The following DPP6 variants were observed in gnomAD, a reference collection of about 807,000 sequenced individuals.
The protein encoded by DPP6 is A-type potassium channel modulatory protein DPP6.
In DPP6, 69 loss-of-function variants were observed where a neutral mutation model predicts 122.6. The observed-to-expected ratio is 0.56, with a 90% CI of 0.46 to 0.69. DPP6 has a LOEUF of 0.69. Ranked by LOEUF, DPP6 falls within the 30% of genes least tolerant of loss-of-function variation. The probability of loss-of-function intolerance (pLI) is 0.00; values close to 1 mark genes in which losing one functional copy is unlikely to be tolerated. For missense variants in DPP6, 928 were observed against 1,116.9 expected (o/e 0.83, Z 2.41); for synonymous variants, 418 against 433.1 (o/e 0.97, Z 0.43).
In DPP6 at chr7:154,252,239, C is replaced by CGT. The variant is rs796880488; in HGVS notation, c.244-193974_244-193973insTG. 1.5e-3 allele frequency among the ~76,000 whole-genome samples: 186 copies of CGT among 121,744 alleles called. 1 individual carries two copies. Among genetic ancestry groups the CGT allele is most frequent in the African/African-American group, 6.1e-3 (174 of 28,606 alleles). 79.9% of individuals were successfully genotyped at this position (121,744 alleles called of 152,430 possible). A position where few individuals can be genotyped will look rare whatever the true frequency, so the allele number is the denominator to read the frequency against. On this transcript the variant is annotated intron_variant, in intron 1 of 25. Transcript: ENST00000377770. ...GTGTGTGTGTGTGTGTGTGTGTGCG[C>CGT]GCATGCGCACGGTGGTGGTGGTTGT...
At chr7:153,767,110 G>T in the DPP6 span, among the ~76,000 whole-genome samples, 1 of 122,350 alleles carries the variant, frequency 8.2e-6, no homozygotes, top group South Asian at 3.0e-4. Flanking sequence ...AGAAAAGAAG[G>T]AAGTCAGGGG....
At chr7:154,610,372 A>G (rs1833831820) in intron 5 of DPP6, among the ~76,000 whole-genome samples, 1 of 152,064 alleles carries the variant, frequency 6.6e-6, no homozygotes, top group Admixed American at 6.6e-5. Context: ...CAGGTGGGAG[A>G]AGGAAATGAA....
chr7:154,686,439 A>G (rs145676518), intron 7 of DPP6, among the ~76,000 whole-genome samples: 113 of 150,662 alleles, frequency 7.5e-4, no homozygotes, highest in African/African-American at 2.4e-3. Context: ...GGCAATGCAC[A>G]GAAGCTGGAT....
At chr7:154,785,084 C>G (rs1342354442) in intron 10 of DPP6, among the ~76,000 whole-genome samples, 1 of 152,214 alleles carries the variant, frequency 6.6e-6, no homozygotes, top group Non-Finnish European at 1.5e-5. Context: ...CAGCCTCATT[C>G]AGAGGCACTG....
chr7:154,658,162 C>T (rs975764025), intron 6 of DPP6, among the ~76,000 whole-genome samples: 7 of 152,140 alleles, frequency 4.6e-5, no homozygotes, highest in African/African-American at 1.7e-4. Context: ...AAGGGTGAAC[C>T]CTAATGTCAG....
intron 1 of DPP6, among the ~76,000 whole-genome samples, chr7:154,317,413 C>T (rs1460016090): frequency 6.6e-6 from 1 of 152,148 alleles, no homozygotes; most frequent in Non-Finnish European, 1.5e-5. Flanking sequence ...AATTAGTCTG[C>T]AGTTTTTGAC....
At chr7:154,743,562 C>A (rs117561216) in intron 8 of DPP6, among the ~76,000 whole-genome samples, 1 of 152,188 alleles carries the variant, frequency 6.6e-6, no homozygotes, top group African/African-American at 2.4e-5. Context: ...CCTGCTTTAA[C>A]AAAAGTCTGC....
At chr7:154,438,482 AAAAAAAAAAAAAAAAG>A (rs1819082955) in intron 1 of DPP6, among the ~76,000 whole-genome samples, 1 of 148,096 alleles carries the variant, frequency 6.8e-6, no homozygotes, top group South Asian at 2.1e-4. Flanking sequence ...AAAAAAAAAA[AAAAAAAAAAAAAAAAG>A]AAAAGAAAAA....
At position 154,889,057 on chromosome 7, in the gene DPP6, A is replaced by G. The variant is rs563357567; in HGVS notation, c.2305-215A>G. Reference sequence around the variant, plus strand: ...ACTCGTGGGAATTATGGGAGCTACAAGATGAGATTTGGGTGGGGACACAGA... The same window carrying G: ...ACTCGTGGGAATTATGGGAGCTACAGGATGAGATTTGGGTGGGGACACAGA... On this transcript the variant is annotated intron_variant, in intron 23 of 25. Coordinates refer to ENST00000377770, the MANE Select transcript of DPP6 (RefSeq NM_130797.4). Among the ~76,000 whole-genome samples, 9 of 152,352 alleles carry G rather than the reference A, an allele frequency of 5.9e-5. No individual in the cohort carries two copies. The South Asian group carries it at 1.9e-3, about 32-fold the overall frequency.
chr7:154,107,808 G>T (rs1043791245), intron 1 of DPP6, among the ~76,000 whole-genome samples: 6 of 152,158 alleles, frequency 3.9e-5, no homozygotes, highest in African/African-American at 1.4e-4. Flanking sequence ...GTGAGGGGTT[G>T]CTCCCTACTC....
At chr7:153,762,966 G>A in the DPP6 span, among the ~76,000 whole-genome samples, 1 of 152,074 alleles carries the variant, frequency 6.6e-6, no homozygotes, top group Non-Finnish European at 1.5e-5. Context: ...AAGACATAGA[G>A]ATTACAATGA....
chr7:154,465,265 T>G (rs746932269), intron 2 of DPP6, among the ~76,000 whole-genome samples: 2 of 152,222 alleles, frequency 1.3e-5, no homozygotes, highest in Non-Finnish European at 2.9e-5. Flanking sequence ...TTTTTGAAAA[T>G]ACAAATTTTA....
chr7:154,640,092 A>C (rs1430801015), intron 6 of DPP6, among the ~76,000 whole-genome samples: 1 of 152,082 alleles, frequency 6.6e-6, no homozygotes, highest in Non-Finnish European at 1.5e-5. Context: ...TCTCTACTAA[A>C]AATACAAAAA....
intron 1 of DPP6, among the ~76,000 whole-genome samples, chr7:154,206,648 G>T (rs986781806): frequency 2.7e-4 from 41 of 152,134 alleles, no homozygotes; most frequent in African/African-American, 8.9e-4. Context: ...CTTTCTCAAT[G>T]CATTCTCTTT....
At chr7:154,254,464 C>T (rs970947808) in intron 1 of DPP6, among the ~76,000 whole-genome samples, 9 of 152,148 alleles carry the variant, frequency 5.9e-5, no homozygotes, top group South Asian at 2.1e-4. Flanking sequence ...TCATGAATTT[C>T]GAATGAAAAC....
chr7:154,127,597 T>TCACACA (rs71182879), intron 1 of DPP6, among the ~76,000 whole-genome samples: 2,076 of 136,600 alleles, frequency 0.015, 46 homozygotes, highest in African/African-American at 0.059. Context: ...GAGCAGCATC[T>TCACACA]CACACACACA....
intron 7 of DPP6, among the ~76,000 whole-genome samples, chr7:154,697,314 G>A (rs1026582065): frequency 2.6e-5 from 4 of 152,180 alleles, no homozygotes; most frequent in Non-Finnish European, 4.4e-5. Context: ...CCCAGAACCT[G>A]CCCACGAGAA....
At position 154,587,612 on chromosome 7, in the gene DPP6, G is replaced by C. The variant is rs1832540929; in HGVS notation, c.627+20696G>C. The C allele has an allele frequency of 2.6e-6, 4 of 1,518,268 alleles. No individual in the cohort carries two copies. In the East Asian group the frequency reaches 9.9e-5, roughly 37 times the overall value. 94.0% of individuals were successfully genotyped at this position (1,518,268 alleles called of 1,614,324 possible). A position where few individuals can be genotyped will look rare whatever the true frequency, so the allele number is the denominator to read the frequency against. ...CCTGGGACCATAGAAATGGAATTGA[G>C]CTTTCTAAAATGATTCTGCCCATCT... is the stretch of plus-strand genomic sequence containing the variant. On this transcript the variant is annotated intron_variant, in intron 5 of 25. Coordinates refer to ENST00000377770, the MANE Select transcript of DPP6 (RefSeq NM_130797.4).
intron 1 of DPP6, among the ~76,000 whole-genome samples, chr7:154,105,441 G>A (rs147849455): frequency 6.6e-6 from 1 of 152,108 alleles, no homozygotes; most frequent in Admixed American, 6.5e-5. Context: ...TGCAAATAAC[G>A]ACCAGCCTTT....
Sources: gnomAD v4.1 joint callset for allele counts (sites outside exome capture counted in the v4.1 genomes callset) on GRCh38, gnomAD v4.1.1 for gene constraint, MANE v1.5 for transcripts, NCBI Gene and HGNC (gene_info 2026-07-23, HGNC 2026-07-21) for gene names.